The following PCMTD2 variants were observed in gnomAD, a reference collection of about 807,000 sequenced individuals.
The protein encoded by PCMTD2 is protein-L-isoaspartate (D-aspartate) O-methyltransferase domain containing 2.
PCMTD2 carries 16 observed loss-of-function variants against 33.4 expected under a neutral mutation model. That is an observed-to-expected ratio of 0.48 (90% CI 0.32 to 0.73). The LOEUF (loss-of-function observed/expected upper bound fraction) is 0.73, where lower values mean the gene tolerates loss of function less well. Among genes scored for constraint, PCMTD2 ranks in the 30% least tolerant of loss-of-function variants. The probability of loss-of-function intolerance (pLI) is 0.03; values close to 1 mark genes in which losing one functional copy is unlikely to be tolerated. For synonymous variants in PCMTD2, 161 were observed against 160.8 expected (o/e 1.00, Z -0.01); for missense variants, 374 against 449.9 (o/e 0.83, Z 1.53).
rs533354587 is a variant in PCMTD2 at position 64,269,809 on chromosome 20, CAT to C, written c.706+1800_706+1801del. On this transcript the variant is annotated intron_variant, in intron 5 of 5. Transcript: ENST00000308824. ...TGTGTGGGTGTGCGCGGTGTGGGGT[CAT>C]GTGAATGTGGGCACGCGTGGTGTGG... Among the ~76,000 whole-genome samples, 89 of 145,122 alleles carry C rather than the reference CAT, an allele frequency of 6.1e-4. 1 individual carries two copies. Among genetic ancestry groups the C allele is most frequent in the African/African-American group, 1.5e-3 (58 of 38,290 alleles).
chr20:64,274,100 A>T lies in PCMTD2; in HGVS notation c.*500A>T, dbSNP rs1201966970. The stretch of plus-strand genomic sequence containing the variant: ...GAATTTTTATGATATGTACCACTTA[A>T]TTACTGGCACTGAGTATCACTGAAT... On this transcript the variant is annotated 3_prime_UTR_variant, in exon 6 of 6. Coordinates refer to ENST00000308824, the MANE Select transcript of PCMTD2 (RefSeq NM_018257.3). The T allele has an allele frequency of 6.6e-6, 1 of 152,552 alleles. No individual in the cohort carries two copies. Among genetic ancestry groups the T allele is most frequent in the African/African-American group, 2.4e-5 (1 of 41,474 alleles). 9.4% of individuals were successfully genotyped at this position (152,552 alleles called of 1,614,324 possible). A position where few individuals can be genotyped will look rare whatever the true frequency, so the allele number is the denominator to read the frequency against.
rs1481127382 is a variant in PCMTD2, at chr20:64,273,424, A to G, written c.910A>G (p.Asn304Asp). 1.2e-6 allele frequency: 2 copies of G among 1,614,182 alleles called. No homozygotes were observed. ...DKEVFASRIS[N>D]PSDDNSCEDL... The stretch of plus-strand genomic sequence containing the variant: ...AGAAGTCTTTGCCAGTCGGATTTCC[A>G]ACCCCTCAGATGACAACAGCTGTGA... Residue 304 changes from asparagine to aspartate, a missense_variant, in exon 6 of 6, where the codon AAC becomes GAC. Transcript: ENST00000308824.
intron 2 of PCMTD2, among the ~76,000 whole-genome samples, chr20:64,261,876 T>G (rs537090497): frequency 8.5e-5 from 13 of 152,096 alleles, no homozygotes; most frequent in Non-Finnish European, 1.3e-4. Context: ...GGTAGAACCT[T>G]GGGGAGAAAT....
rs1222095237 is a variant in PCMTD2 at position 64,276,029 on chromosome 20, C to CA, written c.*2430dup. 6.6e-6 allele frequency: 1 copy of CA among 152,196 alleles called. No homozygotes were observed. The highest frequency in any genetic ancestry group is 1.5e-5 in the Non-Finnish European group (1 of 68,026). 9.4% of individuals were successfully genotyped at this position (152,196 alleles called of 1,614,324 possible). A position where few individuals can be genotyped will look rare whatever the true frequency, so the allele number is the denominator to read the frequency against. ...GGTAGTCAGGATATTTTATCCTTAGCATTGCTTCTGCATCCTGTGTAGGAT... is the reference window on the plus strand; with the variant it reads ...GGTAGTCAGGATATTTTATCCTTAGCAATTGCTTCTGCATCCTGTGTAGGAT... On this transcript the variant is annotated 3_prime_UTR_variant, in exon 6 of 6. Transcript: ENST00000308824.
At chr20:64,268,042 T>C (rs1405833835) in intron 5 of PCMTD2, 32 bp downstream of exon 5, 1 of 1,519,770 alleles carries the variant, frequency 6.6e-7, no homozygotes, top group Non-Finnish European at 8.9e-7. Flanking sequence ...TATTTTATCT[T>C]TTAGATCTTT....
chr20:64,272,134 A>T (rs1031382651), intron 5 of PCMTD2: 1 of 393,680 alleles, frequency 2.5e-6, no homozygotes, highest in Non-Finnish European at 5.1e-6. Context: ...AGAAGGTGCT[A>T]CTTACTCACT....
chr20:64,272,670 AT>A (rs752900577), intron 5 of PCMTD2, among the ~76,000 whole-genome samples: 23 of 152,174 alleles, frequency 1.5e-4, no homozygotes, highest in Non-Finnish European at 3.1e-4. Flanking sequence ...AAATACAAAA[AT>A]TAGCTGGGCG....
Position 64,259,993 on chromosome 20 carries a change from G to A in PCMTD2, c.28G>A (p.Asp10Asn). The change falls in exon 2 of 6, where the codon GAC (aspartate) becomes AAC (asparagine). Residue 10 changes from aspartate (D) to asparagine (N), a missense_variant. By Grantham distance (23) the Asp-to-Asn change is conservative (BLOSUM62 1). Transcript: ENST00000308824. The part of the protein sequence containing the change: MGGAVSAGE[D>N]NDELIDNLKE... ...GGGCGGTGCTGTGAGTGCTGGTGAA[G>A]ACAATGATGAGCTGATAGATAATTT... The A allele has an allele frequency of 6.2e-7, 1 of 1,612,924 alleles. No individual in the cohort carries two copies. The highest frequency in any genetic ancestry group is 8.5e-7 in the Non-Finnish European group (1 of 1,178,958).
At position 64,255,867 on chromosome 20, in the gene PCMTD2, GGA is replaced by G. The variant is rs932556290; in HGVS notation, c.-26_-25del. The stretch of plus-strand genomic sequence containing the variant: ...CCGAACCCGTCGGCCGGCCGAGCCT[GGA>G]GGTAGAGCCGCCGCCGCCGCCGCCG... On this transcript the variant is annotated splice_region_variant and 5_prime_UTR_variant, in exon 1 of 6. It introduces an in-frame stop codon into an upstream open reading frame of the 5' UTR. Coordinates refer to ENST00000308824, the MANE Select transcript of PCMTD2 (RefSeq NM_018257.3). 1 of 155,044 alleles carries G rather than the reference GGA, an allele frequency of 6.4e-6. No homozygotes were observed. Among genetic ancestry groups the G allele is most frequent in the African/African-American group, 2.4e-5 (1 of 41,134 alleles). The allele number at this position is 155,044 out of a possible 1,614,324, so 9.6% of individuals were successfully genotyped here.
chr20:64,273,110 A>G, intron 5 of PCMTD2, 111 bp from the exon 6 acceptor site: 1 of 817,876 alleles, frequency 1.2e-6, no homozygotes, highest in Non-Finnish European at 2.0e-6. Context: ...CTTGTAACAT[A>G]TTCATAAATT....
intron 1 of PCMTD2, among the ~76,000 whole-genome samples, chr20:64,259,130 T>A (rs1262881056): frequency 6.6e-6 from 1 of 152,214 alleles, no homozygotes; most frequent in Non-Finnish European, 1.5e-5. Flanking sequence ...TAGGAAGTTC[T>A]GGTAGCAGCC....
chr20:64,269,468 A>G (rs1226177802), intron 5 of PCMTD2, among the ~76,000 whole-genome samples: 1 of 152,214 alleles, frequency 6.6e-6, no homozygotes, highest in Non-Finnish European at 1.5e-5. Context: ...AGAGTGTTAG[A>G]TGATCAACAG....
At chr20:64,266,075 A>G (rs1985644884) in intron 4 of PCMTD2, among the ~76,000 whole-genome samples, 1 of 152,180 alleles carries the variant, frequency 6.6e-6, no homozygotes, top group Non-Finnish European at 1.5e-5. Context: ...TAATTGTTTT[A>G]ATAAAAATTT....
chr20:64,270,732 C>A (rs895226052), intron 5 of PCMTD2, among the ~76,000 whole-genome samples: 1 of 150,240 alleles, frequency 6.7e-6, no homozygotes, highest in Non-Finnish European at 1.5e-5. Flanking sequence ...TGGTACAGTC[C>A]TTCTGAGGAA....
intron 2 of PCMTD2, among the ~76,000 whole-genome samples, chr20:64,260,813 C>T (rs1356457641): frequency 1.3e-5 from 2 of 149,610 alleles, no homozygotes; most frequent in African/African-American, 4.9e-5. Context: ...TCCAGCAAAT[C>T]CTCCTGAGTA....
In PCMTD2 at chr20:64,267,949, T is replaced by C; in HGVS notation, c.645T>C (p.Ser215=). 1.2e-6 allele frequency: 2 copies of C among 1,613,700 alleles called. No individual in the cohort carries two copies. The highest frequency in any genetic ancestry group is 1.7e-6 in the Non-Finnish European group (2 of 1,179,600). The change falls in exon 5 of 6, where the codon TCT becomes TCC. Residue 215 remains serine (S), a synonymous_variant. Transcript: ENST00000308824. ...AAACCAAAAAGATTCTTGCTGTTTC[T>C]TTTGCTCCTCTGATCCAGCCCTGCC... is the stretch of plus-strand genomic sequence containing the variant. ...AWETKKILAV[S]FAPLIQPCHS...
At chr20:64,268,153 T>TAAACGTTGTTTTATCA in intron 5 of PCMTD2, 143 bp downstream of exon 5, 1 of 563,364 alleles carries the variant, frequency 1.8e-6, no homozygotes, top group Non-Finnish European at 3.1e-6. Flanking sequence ...CTACAAGCAA[T>TAAACGTTGTTTTATCA]TTCAGGCATT....
intron 1 of PCMTD2, 121 bp from the exon 2 acceptor site, chr20:64,259,821 G>C (rs1385814990): frequency 5.0e-6 from 3 of 595,812 alleles, no homozygotes; most frequent in Non-Finnish European, 8.8e-6. Flanking sequence ...GGTGGGTGTT[G>C]ACAAAAGATA....
At chr20:64,266,509 G>A (rs1445684852) in intron 4 of PCMTD2, among the ~76,000 whole-genome samples, 2 of 152,036 alleles carry the variant, frequency 1.3e-5, no homozygotes, top group Admixed American at 6.6e-5. Flanking sequence ...CGCCCACCTC[G>A]GCCTCCCAAA....
Sources: allele counts gnomAD v4.1 joint callset (sites outside exome capture counted in the v4.1 genomes callset), GRCh38; gene constraint gnomAD v4.1.1; transcripts MANE v1.5; gene names NCBI Gene and HGNC (gene_info 2026-07-23, HGNC 2026-07-21).